The following SCFD2 variants were observed in gnomAD, a reference collection of about 807,000 sequenced individuals.
SCFD2 encodes sec1 family domain containing 2.
SCFD2 carries 54 observed loss-of-function variants against 58.9 expected under a neutral mutation model. The observed-to-expected ratio is 0.92, with a 90% CI of 0.74 to 1.15. The LOEUF (loss-of-function observed/expected upper bound fraction) is 1.15. SCFD2 is among the 50% of genes most tolerant of loss of function. The pLI is 0.00. For synonymous variants in SCFD2, 321 were observed against 335.9 expected (o/e 0.96, Z 0.49); for missense variants, 805 against 836.6 (o/e 0.96, Z 0.47).
chr4:53,257,781 TATC>T (rs35537981), intron 4 of SCFD2, among the ~76,000 whole-genome samples: 86,166 of 151,520 alleles, frequency 0.57, 24,809 homozygotes, highest in Middle Eastern at 0.65. Context: ...ATTCAAATGA[TATC>T]ATAGTTTTTT....
chr4:53,028,581 T>C (rs1350752965), intron 5 of SCFD2, among the ~76,000 whole-genome samples: 2 of 152,124 alleles, frequency 1.3e-5, no homozygotes, highest in African/African-American at 4.8e-5. Flanking sequence ...TCTTATTCAA[T>C]AGAGTGCTTC....
chr4:53,341,868 G>A (rs1292033929), intron 2 of SCFD2, among the ~76,000 whole-genome samples: 3 of 152,188 alleles, frequency 2.0e-5, no homozygotes, highest in Non-Finnish European at 4.4e-5. Flanking sequence ...AGCTTCAGAA[G>A]TGAAGGAGAA....
intron 4 of SCFD2, among the ~76,000 whole-genome samples, chr4:53,165,793 A>G (rs868036687): frequency 2.0e-5 from 3 of 152,226 alleles, no homozygotes; most frequent in South Asian, 2.1e-4. Flanking sequence ...CATACTTGAT[A>G]TATAGCAGGA....
intron 4 of SCFD2, among the ~76,000 whole-genome samples, chr4:53,249,158 T>C (rs942070509): frequency 6.6e-6 from 1 of 152,070 alleles, no homozygotes; most frequent in African/African-American, 2.4e-5. Flanking sequence ...ACGTGAAGAA[T>C]GCAGAAGCCT....
chr4:53,259,411 G>C (rs1046653180), intron 4 of SCFD2, among the ~76,000 whole-genome samples: 1 of 152,154 alleles, frequency 6.6e-6, no homozygotes, highest in Non-Finnish European at 1.5e-5. Flanking sequence ...TGAGAGATGA[G>C]GATCCAGTTT....
At chr4:52,967,188 C>A (rs1476762533) in intron 5 of SCFD2, among the ~76,000 whole-genome samples, 1 of 152,172 alleles carries the variant, frequency 6.6e-6, no homozygotes, top group Admixed American at 6.5e-5. Flanking sequence ...CTTTAAACAA[C>A]CTCAAGGGCA....
At chr4:53,260,813 T>G (rs1370128809) in intron 4 of SCFD2, among the ~76,000 whole-genome samples, 2 of 151,964 alleles carry the variant, frequency 1.3e-5, no homozygotes, top group African/African-American at 2.4e-5. Flanking sequence ...ATACCAATTC[T>G]TTGAATGTCT....
At chr4:52,986,044 G>A (rs150898728) in intron 5 of SCFD2, among the ~76,000 whole-genome samples, 2 of 152,134 alleles carry the variant, frequency 1.3e-5, no homozygotes, top group African/African-American at 4.8e-5. Flanking sequence ...CTGTCCCCCT[G>A]TGACGTCGCA....
chr4:53,187,082 G>A (rs1727757690), intron 4 of SCFD2, among the ~76,000 whole-genome samples: 1 of 151,860 alleles, frequency 6.6e-6, no homozygotes, highest in South Asian at 2.1e-4. Flanking sequence ...AAAAATTACT[G>A]TCATAAATAC....
intron 5 of SCFD2, among the ~76,000 whole-genome samples, chr4:53,144,318 A>G (rs1726255089): frequency 6.6e-6 from 1 of 151,066 alleles, no homozygotes; most frequent in Non-Finnish European, 1.5e-5. Flanking sequence ...CATATGTAAT[A>G]TATGTGTGTA....
At chr4:52,979,245 G>C (rs1721323631) in intron 5 of SCFD2, among the ~76,000 whole-genome samples, 2 of 152,038 alleles carry the variant, frequency 1.3e-5, no homozygotes, top group Non-Finnish European at 2.9e-5. Flanking sequence ...CAGCGGTGCA[G>C]GTTTTCTAGG....
intron 3 of SCFD2, among the ~76,000 whole-genome samples, chr4:53,276,219 T>G (rs576793805): frequency 6.6e-6 from 1 of 152,202 alleles, no homozygotes; most frequent in East Asian, 1.9e-4. Flanking sequence ...TACAACAAAA[T>G]TGAACAATGT....
intron 5 of SCFD2, among the ~76,000 whole-genome samples, chr4:53,096,990 G>GT (rs1490411889): frequency 4.6e-5 from 7 of 152,050 alleles, no homozygotes; most frequent in African/African-American, 1.7e-4. Context: ...CTCATTTCTT[G>GT]TTTTTGTCAG....
rs1718402380 is a variant in SCFD2, at chr4:52,873,701, G to A, written c.*268C>T. The A allele has an allele frequency of 7.1e-6, 2 of 281,716 alleles. No homozygotes were observed. The highest frequency in any genetic ancestry group is 4.4e-5 in the African/African-American group (2 of 45,616). The allele number at this position is 281,716 out of a possible 1,614,324, so 17.5% of individuals were successfully genotyped here. A position where few individuals can be genotyped will look rare whatever the true frequency, so the allele number is the denominator to read the frequency against. On this transcript the variant is annotated 3_prime_UTR_variant, in exon 9 of 9. Coordinates refer to ENST00000401642, the MANE Select transcript of SCFD2 (RefSeq NM_152540.4). The stretch of plus-strand genomic sequence containing the variant: ...GGAAGATCACAAACAGAGGGTTAAG[G>A]ATAAATGGAAACGATCACTAATTGG...
intron 6 of SCFD2, among the ~76,000 whole-genome samples, chr4:52,916,643 TCA>T (rs1719615794): frequency 6.6e-6 from 1 of 152,038 alleles, no homozygotes; most frequent in Non-Finnish European, 1.5e-5. Flanking sequence ...AGGTTTCCAG[TCA>T]ACAGAAGCGA....
intron 6 of SCFD2, among the ~76,000 whole-genome samples, chr4:52,919,168 T>C (rs1165891300): frequency 2.6e-5 from 4 of 152,170 alleles, no homozygotes; most frequent in Non-Finnish European, 5.9e-5. Context: ...ATATAGCTAA[T>C]ACATGTTTAC....
intron 2 of SCFD2, among the ~76,000 whole-genome samples, chr4:53,328,847 C>T (rs1341644779): frequency 6.6e-6 from 1 of 152,210 alleles, no homozygotes. Flanking sequence ...GTTCATCTCA[C>T]TAGGGAGTGC....
chr4:53,145,889 G>A (rs992875449), intron 4 of SCFD2, among the ~76,000 whole-genome samples: 1 of 151,968 alleles, frequency 6.6e-6, no homozygotes, highest in African/African-American at 2.4e-5. Context: ...TACTTCAGAT[G>A]AAATTTTAAA....
chr4:52,906,402 T>C (rs1288497445), intron 7 of SCFD2, among the ~76,000 whole-genome samples: 1 of 152,218 alleles, frequency 6.6e-6, no homozygotes, highest in Non-Finnish European at 1.5e-5. Context: ...CTGTACCAAC[T>C]AGCCACCATG....
Sources: gnomAD v4.1 joint callset for allele counts (sites outside exome capture counted in the v4.1 genomes callset) on GRCh38, gnomAD v4.1.1 for gene constraint, MANE v1.5 for transcripts, NCBI Gene and HGNC (gene_info 2026-07-23, HGNC 2026-07-21) for gene names.